RPS6KA5: variants seen among roughly 807,000 people sequenced by gnomAD.
The protein encoded by RPS6KA5 is ribosomal protein S6 kinase A5.
In RPS6KA5, 27 loss-of-function variants were observed where a neutral mutation model predicts 85.5. The ratio of observed to expected loss-of-function variants is 0.32; its 90% CI spans 0.23 to 0.44. The LOEUF (loss-of-function observed/expected upper bound fraction) is 0.44, where lower values mean the gene tolerates loss of function less well. Ranked by LOEUF, RPS6KA5 falls within the 20% of genes least tolerant of loss-of-function variation. The probability of loss-of-function intolerance (pLI) is 1.00; values close to 1 mark genes in which losing one functional copy is unlikely to be tolerated. For synonymous variants in RPS6KA5, 334 were observed against 348.2 expected (o/e 0.96, Z 0.46); for missense variants, 811 against 980.9 (o/e 0.83, Z 2.31).
intron 1 of RPS6KA5, among the ~76,000 whole-genome samples, chr14:91,047,886 A>T (rs994523922): frequency 2.6e-5 from 4 of 152,088 alleles, no homozygotes; most frequent in African/African-American, 9.6e-5. Context: ...CTGTTTCCTC[A>T]TATCTCCTCC....
Position 90,875,275 on chromosome 14 carries a change from A to C in RPS6KA5, c.1922T>G (p.Ile641Ser), listed in dbSNP as rs761713973. The C allele has an allele frequency of 6.2e-7, 1 of 1,613,736 alleles. No homozygotes were observed. Among genetic ancestry groups the C allele is most frequent in the South Asian group, 1.1e-5 (1 of 91,062 alleles). ...TTCAAAGGAGAAATCTCCCTTTTTA[A>C]TTTTCTTCATGATTTCCACCGCGCT... ...CTSAVEIMKKIKKGDFSFEGE... is the reference protein window; with the variant it reads ...CTSAVEIMKKSKKGDFSFEGE... Residue 641 changes from isoleucine to serine, a missense_variant, in exon 15 of 17, where the codon ATT becomes AGT. This residue lies in a region of RPS6KA5 where 650 missense variants were observed against 793.4 expected (regional missense o/e 0.82). Coordinates refer to ENST00000614987, the MANE Select transcript of RPS6KA5 (RefSeq NM_004755.4).
At chr14:90,972,407 A>C (rs2039365482) in intron 3 of RPS6KA5, among the ~76,000 whole-genome samples, 1 of 152,230 alleles carries the variant, frequency 6.6e-6, no homozygotes, top group Admixed American at 6.5e-5. Flanking sequence ...ACAGTATAGT[A>C]CTGGTACATG....
chr14:90,886,618 G>A (rs1566692137), intron 14 of RPS6KA5, among the ~76,000 whole-genome samples: 2 of 152,188 alleles, frequency 1.3e-5, no homozygotes, highest in Non-Finnish European at 2.9e-5. Context: ...ACAAGCAGGT[G>A]GCCATCTGTA....
rs760023944 is a variant in RPS6KA5, at chr14:91,060,301, G to C, written c.103+31C>G. On this transcript the variant is annotated intron_variant, in intron 1 of 16. Coordinates refer to ENST00000614987, the MANE Select transcript of RPS6KA5 (RefSeq NM_004755.4). ...TGCCCTCAGGCGCGCCCCCGCGCCG[G>C]GCCCGGCCGGCAGAGGGCGGGGTCG... 14 of 1,214,454 alleles carry C rather than the reference G, an allele frequency of 1.2e-5. No individual in the cohort carries two copies. In the African/African-American group the frequency reaches 1.7e-4, roughly 15 times the overall value. 75.2% of individuals were successfully genotyped at this position (1,214,454 alleles called of 1,614,324 possible). A position where few individuals can be genotyped will look rare whatever the true frequency, so the allele number is the denominator to read the frequency against.
At chr14:91,053,626 T>TA (rs1435072648) in intron 1 of RPS6KA5, among the ~76,000 whole-genome samples, 3 of 152,156 alleles carry the variant, frequency 2.0e-5, no homozygotes, top group Non-Finnish European at 4.4e-5. Context: ...ATAAAATACT[T>TA]AGAAATAAAT....
chr14:90,914,433 G>A (rs2036003799), intron 7 of RPS6KA5, among the ~76,000 whole-genome samples: 2 of 146,426 alleles, frequency 1.4e-5, no homozygotes, highest in Non-Finnish European at 3.0e-5. Flanking sequence ...TCCTGCCTCA[G>A]CCTCCTGAGT....
At chr14:90,919,555 T>C (rs1372605409) in intron 7 of RPS6KA5, among the ~76,000 whole-genome samples, 2 of 152,194 alleles carry the variant, frequency 1.3e-5, no homozygotes, top group Non-Finnish European at 1.5e-5. Flanking sequence ...CACTTATTTG[T>C]TCATTAACCC....
intron 1 of RPS6KA5, among the ~76,000 whole-genome samples, chr14:91,028,568 G>T (rs2042070569): frequency 6.7e-6 from 1 of 150,026 alleles, no homozygotes; most frequent in African/African-American, 2.5e-5. Flanking sequence ...GCCCAGGCTG[G>T]AGTGCAGAGG....
At chr14:90,907,150 C>G (rs2035552317) in intron 7 of RPS6KA5, among the ~76,000 whole-genome samples, 1 of 152,130 alleles carries the variant, frequency 6.6e-6, no homozygotes, top group Non-Finnish European at 1.5e-5. Flanking sequence ...AGAACCTTAA[C>G]ACAATATATA....
intron 2 of RPS6KA5, among the ~76,000 whole-genome samples, chr14:90,987,537 A>G (rs1001450024): frequency 4.6e-5 from 7 of 152,228 alleles, no homozygotes; most frequent in Non-Finnish European, 1.0e-4. Context: ...AGGAATATTC[A>G]TAGAGTCTGG....
intron 8 of RPS6KA5, among the ~76,000 whole-genome samples, chr14:90,904,323 T>C (rs1595173097): frequency 6.6e-6 from 1 of 152,194 alleles, no homozygotes; most frequent in African/African-American, 2.4e-5. Flanking sequence ...TATTATGCTG[T>C]CTTGTAGATG....
intron 12 of RPS6KA5, among the ~76,000 whole-genome samples, chr14:90,898,401 AT>A (rs375265272): frequency 3.3e-5 from 5 of 152,284 alleles, no homozygotes; most frequent in African/African-American, 1.2e-4. Flanking sequence ...ATTCCTGGCA[AT>A]AGCACTCGAG....
chr14:90,970,894 T>C (rs942322529), intron 3 of RPS6KA5, among the ~76,000 whole-genome samples: 3 of 139,144 alleles, frequency 2.2e-5, no homozygotes, highest in Non-Finnish European at 4.7e-5. Context: ...GCTTAAAAGA[T>C]ATTAATGTTG....
Position 90,978,534 on chromosome 14 carries a change from A to G in RPS6KA5, c.176-10T>C. 6.4e-7 allele frequency: 1 copy of G among 1,559,684 alleles called. No individual in the cohort carries two copies. Among genetic ancestry groups the G allele is most frequent in the Non-Finnish European group, 8.7e-7 (1 of 1,151,660 alleles). ...AATACTTTTCCATAAGCTGAAAATG[A>G]AAAGAAAAAATAAAAAGAATTAAAA... On this transcript the variant is annotated splice_polypyrimidine_tract_variant and intron_variant, in intron 2 of 16. Transcript: ENST00000614987.
In RPS6KA5 at chr14:90,869,970, C is replaced by T. The variant is rs1020330825; in HGVS notation, c.*2104G>A. 4 of 152,172 alleles carry T rather than the reference C, an allele frequency of 2.6e-5. No homozygotes were observed. In the East Asian group the frequency reaches 5.8e-4, roughly 22 times the overall value. The allele number at this position is 152,172 out of a possible 1,614,324, so 9.4% of individuals were successfully genotyped here. A position where few individuals can be genotyped will look rare whatever the true frequency, so the allele number is the denominator to read the frequency against. On this transcript the variant is annotated 3_prime_UTR_variant, in exon 17 of 17. Transcript: ENST00000614987. ...GACTGCCTTTTTACCCATTTCATCG[C>T]CTGTCGAATCCTCCTCAAGAAGAGG...
At chr14:90,954,612 C>G (rs973463332) in intron 3 of RPS6KA5, among the ~76,000 whole-genome samples, 2 of 152,288 alleles carry the variant, frequency 1.3e-5, no homozygotes, top group South Asian at 4.1e-4. Context: ...GGAGGTTTCA[C>G]CATGTTAGCC....
chr14:90,977,773 G>A (rs1274354199), intron 3 of RPS6KA5, among the ~76,000 whole-genome samples: 1 of 152,148 alleles, frequency 6.6e-6, no homozygotes, highest in Non-Finnish European at 1.5e-5. Context: ...ATAAAGGAAA[G>A]GCTGGAAGTG....
intron 2 of RPS6KA5, among the ~76,000 whole-genome samples, chr14:90,993,730 A>G (rs776605113): frequency 6.6e-5 from 10 of 152,090 alleles, no homozygotes; most frequent in Non-Finnish European, 8.8e-5. Context: ...TCTCTGATGT[A>G]TCTACATAAG....
At chr14:90,913,899 G>T (rs1387889544) in intron 7 of RPS6KA5, among the ~76,000 whole-genome samples, 1 of 152,158 alleles carries the variant, frequency 6.6e-6, no homozygotes, top group East Asian at 1.9e-4. Flanking sequence ...AAACTGAAAA[G>T]AGCTAGAGGC....
Sources: gnomAD v4.1 joint callset for allele counts (sites outside exome capture counted in the v4.1 genomes callset) on GRCh38, gnomAD v4.1.1 for gene constraint, gnomAD v4.1.1 regional missense constraint, MANE v1.5 for transcripts, NCBI Gene and HGNC (gene_info 2026-07-23, HGNC 2026-07-21) for gene names.